ZC3H3: variants seen among roughly 807,000 people sequenced by gnomAD.
ZC3H3 encodes the protein zinc finger CCCH domain-containing protein 3.
In ZC3H3, 36 loss-of-function variants were observed where a neutral mutation model predicts 77.3. The ratio of observed to expected loss-of-function variants is 0.47; its 90% CI spans 0.36 to 0.61. The LOEUF (loss-of-function observed/expected upper bound fraction) is 0.61. ZC3H3 is among the 20% of genes least tolerant of loss of function. The pLI, the probability that ZC3H3 is intolerant of heterozygous loss-of-function variation, is 0.00. For synonymous variants in ZC3H3, 626 were observed against 555.2 expected (o/e 1.13, Z -1.79); for missense variants, 1,331 against 1,312.2 (o/e 1.01, Z -0.22).
chr8:143,532,986 G>A (rs1156739982), intron 3 of ZC3H3, among the ~76,000 whole-genome samples: 6 of 152,274 alleles, frequency 3.9e-5, no homozygotes, highest in African/African-American at 1.4e-4. Flanking sequence ...TTGAGAGCCT[G>A]CGGACTCCGC....
chr8:143,537,495 C>T (rs1046671010), intron 2 of ZC3H3, among the ~76,000 whole-genome samples: 1 of 152,204 alleles, frequency 6.6e-6, no homozygotes, highest in Admixed American at 6.5e-5. Flanking sequence ...GCCCTAGACA[C>T]GGGGCATGCA....
chr8:143,504,961 G>A (rs1475427115), intron 4 of ZC3H3, among the ~76,000 whole-genome samples: 3 of 152,344 alleles, frequency 2.0e-5, no homozygotes, highest in Middle Eastern at 3.4e-3. Context: ...AGGCTCTGAG[G>A]GCAAGAGGCC....
At chr8:143,517,762 G>A (rs1167188734) in intron 3 of ZC3H3, among the ~76,000 whole-genome samples, 4 of 152,132 alleles carry the variant, frequency 2.6e-5, no homozygotes, top group South Asian at 2.1e-4. Context: ...GATTGAGAAC[G>A]CCTCTTCACC....
At chr8:143,526,954 G>A (rs1434515707) in intron 3 of ZC3H3, among the ~76,000 whole-genome samples, 1 of 152,216 alleles carries the variant, frequency 6.6e-6, no homozygotes, top group Non-Finnish European at 1.5e-5. Flanking sequence ...CACAAGCCCT[G>A]CTGGCCATGC....
chr8:143,499,897 C>T (rs753705779), intron 4 of ZC3H3, among the ~76,000 whole-genome samples: 1 of 152,210 alleles, frequency 6.6e-6, no homozygotes, highest in Non-Finnish European at 1.5e-5. Context: ...CCCTCACAGC[C>T]CAGGAGGCCC....
chr8:143,482,305 A>G (rs1820928225), intron 4 of ZC3H3, among the ~76,000 whole-genome samples: 1 of 152,236 alleles, frequency 6.6e-6, no homozygotes, highest in Non-Finnish European at 1.5e-5. Flanking sequence ...GGCCGGCCCT[A>G]CTTACCACTG....
chr8:143,446,312 C>T (rs1430311737), intron 9 of ZC3H3, among the ~76,000 whole-genome samples: 1 of 152,174 alleles, frequency 6.6e-6, no homozygotes, highest in African/African-American at 2.4e-5. Flanking sequence ...AACTATAAAA[C>T]TATGTCCGTT....
rs1302574204 is a variant in ZC3H3, at chr8:143,462,770, G to C, written c.2307+2947C>G. On this transcript the variant is annotated intron_variant, in intron 9 of 11. Coordinates refer to ENST00000262577, the MANE Select transcript of ZC3H3 (RefSeq NM_015117.3). The surrounding 1 kb of genome is among the most constrained non-coding windows in gnomAD (Gnocchi z 4.7). ...GGTGTGCAGGAGCTCTCAATGCAGAGGTGGGGATGGAGTCACTGTCACCCC... is the reference window on the plus strand; with the variant it reads ...GGTGTGCAGGAGCTCTCAATGCAGACGTGGGGATGGAGTCACTGTCACCCC... Among the ~76,000 whole-genome samples, 1 of 152,248 alleles carries C rather than the reference G, an allele frequency of 6.6e-6. No individual in the cohort carries two copies.
chr8:143,497,026 A>C (rs1452749096), intron 4 of ZC3H3, among the ~76,000 whole-genome samples: 1 of 152,250 alleles, frequency 6.6e-6, no homozygotes, highest in Non-Finnish European at 1.5e-5. Context: ...GCTTCTGTGC[A>C]AAAGCTCGTT....
intron 4 of ZC3H3, among the ~76,000 whole-genome samples, chr8:143,477,273 C>T (rs377125017): frequency 3.9e-5 from 6 of 152,224 alleles, no homozygotes; most frequent in African/African-American, 1.4e-4. Context: ...AACCCAGTTT[C>T]CTTTAATTAA....
rs771692415 is a variant in ZC3H3 at position 143,475,470 on chromosome 8, C to T, written c.1831G>A (p.Val611Ile). The T allele has an allele frequency of 6.2e-7, 1 of 1,613,088 alleles. No homozygotes were observed. Among genetic ancestry groups the T allele is most frequent in the Admixed American group, 1.7e-5 (1 of 59,990 alleles). ...GTCTTGGAGAGCTTGTTGGCAGATA[C>T]TTTGTAGAGGACCCCTCCGATGCAG... The part of the protein sequence containing the change: ...YRCIGGVLYK[V>I]SANKLSKTSG... The change falls in exon 5 of 12, where the codon GTA becomes ATA. Residue 611 changes from valine to isoleucine, a missense_variant. Val to Ile is a conservative substitution (Grantham distance 29, BLOSUM62 3). Coordinates refer to ENST00000262577, the MANE Select transcript of ZC3H3 (RefSeq NM_015117.3).
chr8:143,497,276 G>C (rs1821378329), intron 4 of ZC3H3, among the ~76,000 whole-genome samples: 1 of 152,160 alleles, frequency 6.6e-6, no homozygotes, highest in South Asian at 2.1e-4. Context: ...CCAGGACAGG[G>C]AGACTCGGCA....
chr8:143,477,722 G>A (rs1198967484), intron 4 of ZC3H3, among the ~76,000 whole-genome samples: 3 of 152,302 alleles, frequency 2.0e-5, no homozygotes, highest in Non-Finnish European at 2.9e-5. Flanking sequence ...CACTCAGCTT[G>A]ACCCCAAATC....
At chr8:143,464,940 T>C (rs1366792102) in intron 9 of ZC3H3, among the ~76,000 whole-genome samples, 4 of 150,070 alleles carry the variant, frequency 2.7e-5, no homozygotes, top group Non-Finnish European at 5.9e-5. Context: ...AGGGGGCTTG[T>C]ACCCGGGACC....
rs1821849882 is a variant in ZC3H3, at chr8:143,510,898, C to T, written c.1562-2999G>A. Reference sequence around the variant, plus strand: ...CATCAAACCCCTTGCGCCTTTATTGCCGGCGATGCCCCGGCCCGCGTTATC... The same window carrying T: ...CATCAAACCCCTTGCGCCTTTATTGTCGGCGATGCCCCGGCCCGCGTTATC... On this transcript the variant is annotated intron_variant, in intron 3 of 11. Transcript: ENST00000262577. 2.6e-5 allele frequency among the ~76,000 whole-genome samples: 4 copies of T among 152,198 alleles called. No homozygotes were observed. The South Asian group carries it at 8.3e-4, about 31-fold the overall frequency.
chr8:143,504,918 G>A (rs902445767), intron 4 of ZC3H3, among the ~76,000 whole-genome samples: 39 of 152,226 alleles, frequency 2.6e-4, no homozygotes, highest in African/African-American at 7.7e-4. Flanking sequence ...CTCGGAACTC[G>A]CGGGTTTGCT....
At chr8:143,476,573 G>A (rs1296779925) in intron 4 of ZC3H3, among the ~76,000 whole-genome samples, 1 of 152,180 alleles carries the variant, frequency 6.6e-6, no homozygotes, top group African/African-American at 2.4e-5. Flanking sequence ...CCCCAAGGTG[G>A]GGGGCTCAGG....
At chr8:143,468,139 G>T in intron 8 of ZC3H3, 70 bp downstream of exon 8, 1 of 1,554,978 alleles carries the variant, frequency 6.4e-7, no homozygotes. Flanking sequence ...GGCACCATCT[G>T]CCCGGAGGCC....
chr8:143,529,817 G>A (rs922467514), intron 3 of ZC3H3, among the ~76,000 whole-genome samples: 1 of 152,196 alleles, frequency 6.6e-6, no homozygotes, highest in Non-Finnish European at 1.5e-5. Context: ...GCTCACACAG[G>A]CTCTCCCTAA....
Sources: allele counts gnomAD v4.1 joint callset (sites outside exome capture counted in the v4.1 genomes callset), GRCh38; gene constraint gnomAD v4.1.1; non-coding constraint Gnocchi (gnomAD v3.1); transcripts MANE v1.5; gene names NCBI Gene and HGNC (gene_info 2026-07-23, HGNC 2026-07-21).